The following DCC variants were observed in gnomAD, a reference collection of about 807,000 sequenced individuals.
The protein encoded by DCC is DCC netrin 1 receptor, also known as netrin receptor DCC.
In DCC, 58 loss-of-function variants were observed where a neutral mutation model predicts 172.5. The ratio of observed to expected loss-of-function variants is 0.34; its 90% CI spans 0.27 to 0.42. DCC has a LOEUF of 0.42. Among genes scored for constraint, DCC ranks in the 10% least tolerant of loss-of-function variants. The probability of loss-of-function intolerance (pLI) is 1.00; values close to 1 mark genes in which losing one functional copy is unlikely to be tolerated. For missense variants in DCC, 1,740 were observed against 1,791.0 expected, an observed-to-expected ratio of 0.97 and a Z score of 0.51; for synonymous variants, 709 against 644.5, an observed-to-expected ratio of 1.10 and a Z score of -1.52.
chr18:52,379,339 G>T lies in DCC; in HGVS notation c.91+38461G>T, dbSNP rs143121496. ...AGAGTTGAGGCTTTGGCATCTAAAA[G>T]ATCTGATTTTAAATCCAGGCTCTTC... is the stretch of plus-strand genomic sequence containing the variant. On this transcript the variant is annotated intron_variant, in intron 1 of 28. Coordinates refer to ENST00000442544, the MANE Select transcript of DCC (RefSeq NM_005215.4). Among the ~76,000 whole-genome samples the T allele has an allele frequency of 2.8e-3, 421 of 152,118 alleles. 2 individuals are homozygous for T. Among genetic ancestry groups the T allele is most frequent in the Non-Finnish European group, 4.4e-3 (296 of 68,002 alleles).
intron 17 of DCC, among the ~76,000 whole-genome samples, chr18:53,394,813 C>T (rs566336851): frequency 1.3e-5 from 2 of 152,254 alleles, no homozygotes; most frequent in African/African-American, 4.8e-5. Flanking sequence ...GCTATGAAGT[C>T]AGTGCTATGG....
At chr18:53,475,128 A>T (rs1337927961) in intron 25 of DCC, among the ~76,000 whole-genome samples, 1 of 152,242 alleles carries the variant, frequency 6.6e-6, no homozygotes, top group African/African-American at 2.4e-5. Context: ...TCTAAGCAAT[A>T]AAGCATTCAA....
chr18:53,127,386 G>A (rs1384804979), intron 7 of DCC, among the ~76,000 whole-genome samples: 1 of 151,924 alleles, frequency 6.6e-6, no homozygotes, highest in Non-Finnish European at 1.5e-5. Context: ...AAATCAACAA[G>A]GCAGAGAAGC....
chr18:52,550,754 A>C (rs1482014802), intron 1 of DCC, among the ~76,000 whole-genome samples: 3 of 152,132 alleles, frequency 2.0e-5, no homozygotes, highest in Non-Finnish European at 4.4e-5. Flanking sequence ...TCTCTCCTCT[A>C]TTAGGAATAG....
At chr18:52,393,859 A>T (rs1425960519) in intron 1 of DCC, among the ~76,000 whole-genome samples, 1 of 152,110 alleles carries the variant, frequency 6.6e-6, no homozygotes, top group Non-Finnish European at 1.5e-5. Flanking sequence ...AGGATTAAAA[A>T]TTACTAGACT....
At chr18:53,023,563 C>G (rs1050506603) in intron 5 of DCC, among the ~76,000 whole-genome samples, 1 of 151,896 alleles carries the variant, frequency 6.6e-6, no homozygotes, top group Admixed American at 6.6e-5. Context: ...CACATGGACC[C>G]CCTGAACCTA....
At chr18:52,985,591 C>A (rs1024599516) in intron 5 of DCC, among the ~76,000 whole-genome samples, 2 of 151,978 alleles carry the variant, frequency 1.3e-5, no homozygotes, top group South Asian at 4.2e-4. Flanking sequence ...TAATGAGTGC[C>A]GTCAATTTTT....
chr18:52,582,788 T>C (rs2033582436), intron 1 of DCC, among the ~76,000 whole-genome samples: 1 of 152,124 alleles, frequency 6.6e-6, no homozygotes, highest in Non-Finnish European at 1.5e-5. Context: ...AAATTGAGAC[T>C]AGTCAGGAAA....
chr18:52,537,182 A>G (rs1404167908), intron 1 of DCC, among the ~76,000 whole-genome samples: 1 of 152,180 alleles, frequency 6.6e-6, no homozygotes, highest in African/African-American at 2.4e-5. Flanking sequence ...CTAGAGGACA[A>G]ACAGAAACTG....
chr18:52,736,280 TAA>T (rs11442996), intron 1 of DCC, among the ~76,000 whole-genome samples: 3 of 131,824 alleles, frequency 2.3e-5, no homozygotes. Context: ...ACTGTAAACA[TAA>T]AAAAAAAAAA....
At chr18:53,320,426 G>A (rs2057397908) in intron 13 of DCC, among the ~76,000 whole-genome samples, 2 of 152,152 alleles carry the variant, frequency 1.3e-5, no homozygotes, top group South Asian at 2.1e-4. Context: ...CATTATGAAA[G>A]TCATAAGCTG....
At chr18:53,128,880 T>C (rs940956179) in intron 7 of DCC, among the ~76,000 whole-genome samples, 4,142 of 58,790 alleles carry the variant, frequency 0.07, 72 homozygotes, top group South Asian at 0.24. Context: ...CATATATATA[T>C]ATATATATAT....
At chr18:53,454,052 A>C (rs2045451296) in intron 23 of DCC, among the ~76,000 whole-genome samples, 1 of 152,178 alleles carries the variant, frequency 6.6e-6, no homozygotes, top group Admixed American at 6.5e-5. Context: ...AATACAGAAA[A>C]AATTATATTT....
At chr18:53,253,184 TAAC>T (rs1162104022) in intron 12 of DCC, among the ~76,000 whole-genome samples, 1 of 152,000 alleles carries the variant, frequency 6.6e-6, no homozygotes, top group Non-Finnish European at 1.5e-5. Context: ...TTTGAAAATC[TAAC>T]AACACAGCAC....
intron 3 of DCC, among the ~76,000 whole-genome samples, chr18:52,921,419 C>A (rs1337329873): frequency 1.3e-5 from 2 of 152,118 alleles, no homozygotes; most frequent in Non-Finnish European, 2.9e-5. Flanking sequence ...AAAACCTCAG[C>A]TGGGCTTGGT....
chr18:53,255,032 G>A (rs967373312), intron 12 of DCC, among the ~76,000 whole-genome samples: 1 of 151,758 alleles, frequency 6.6e-6, no homozygotes, highest in African/African-American at 2.4e-5. Context: ...CTCCTCTATT[G>A]GAAACAATGA....
At chr18:53,381,723 T>C (rs1350323197) in intron 15 of DCC, among the ~76,000 whole-genome samples, 1 of 151,992 alleles carries the variant, frequency 6.6e-6, no homozygotes, top group Non-Finnish European at 1.5e-5. Context: ...TGTCCAAGGT[T>C]ATAGACTAAT....
At chr18:52,487,019 G>A (rs1181560381) in intron 1 of DCC, among the ~76,000 whole-genome samples, 1 of 152,092 alleles carries the variant, frequency 6.6e-6, no homozygotes, top group African/African-American at 2.4e-5. Flanking sequence ...GATATAAAAT[G>A]TTTTTACCCA....
intron 5 of DCC, among the ~76,000 whole-genome samples, chr18:53,001,332 G>A (rs2143843785): frequency 6.6e-6 from 1 of 152,134 alleles, no homozygotes; most frequent in Middle Eastern, 3.4e-3. Flanking sequence ...AGAATATAAA[G>A]GAGTTGTCAG....
Sources: gnomAD v4.1 joint callset for allele counts (sites outside exome capture counted in the v4.1 genomes callset) on GRCh38, gnomAD v4.1.1 for gene constraint, MANE v1.5 for transcripts, NCBI Gene and HGNC (gene_info 2026-07-23, HGNC 2026-07-21) for gene names.